The following HMGA2 variants were observed in gnomAD, a reference collection of about 807,000 sequenced individuals.
The protein encoded by HMGA2 is high mobility group AT-hook 2.
HMGA2 carries 8 observed loss-of-function variants against 19.1 expected under a neutral mutation model. The observed-to-expected ratio is 0.42, with a 90% CI of 0.25 to 0.76. The LOEUF is 0.76. HMGA2 is among the 30% of genes least tolerant of loss of function. The pLI is 0.28. For synonymous variants in HMGA2, 60 were observed against 48.8 expected, an observed-to-expected ratio of 1.23 and a Z score of -0.96; for missense variants, 109 against 136.3, an observed-to-expected ratio of 0.80 and a Z score of 1.00.
At position 65,856,240 on chromosome 12, in the gene HMGA2, G is replaced by A. The variant is rs1871736820; in HGVS notation, c.249+17671G>A. The A allele has an allele frequency of 2.0e-5, 3 of 152,328 alleles. No individual in the cohort carries two copies. In the South Asian group the frequency reaches 6.2e-4, roughly 32 times the overall value. The allele number at this position is 152,328 out of a possible 1,614,324, so 9.4% of individuals were successfully genotyped here. ...CCTGCTTTCTGTCCCTGAGGTCCAA[G>A]CAATGCCAGAACAGTGAATTTGAAA... On this transcript the variant is annotated intron_variant, in intron 3 of 4. Coordinates refer to ENST00000403681, the MANE Select transcript of HMGA2 (RefSeq NM_003483.6).
intron 3 of HMGA2, among the ~76,000 whole-genome samples, chr12:65,870,678 G>A (rs770042822): frequency 1.5e-4 from 23 of 152,242 alleles, no homozygotes; most frequent in Non-Finnish European, 2.6e-4. Context: ...TCAGTGAGCC[G>A]AGATCGTGCC....
intron 3 of HMGA2, chr12:65,855,977 C>T (rs1339729380): frequency 6.6e-6 from 1 of 151,040 alleles, no homozygotes; most frequent in Non-Finnish European, 1.5e-5. Context: ...TTGGTGGTAA[C>T]TATTATCTTA....
At chr12:65,874,381 A>G (rs1872867399) in intron 3 of HMGA2, among the ~76,000 whole-genome samples, 1 of 152,146 alleles carries the variant, frequency 6.6e-6, no homozygotes, top group African/African-American at 2.4e-5. Context: ...ATATATATAA[A>G]AACCTTTAAT....
At chr12:65,838,272 G>A (rs1050349967) in intron 2 of HMGA2, among the ~76,000 whole-genome samples, 1 of 151,922 alleles carries the variant, frequency 6.6e-6, no homozygotes, top group African/African-American at 2.4e-5. Context: ...ATCACTACAG[G>A]GGGTGTCTTT....
chr12:65,915,582 A>C, intron 3 of HMGA2: 43 of 1,057,584 alleles, frequency 4.1e-5, no homozygotes, highest in South Asian at 1.1e-4. Context: ...TTCCTTTCTC[A>C]TTCCATTGGT....
intron 3 of HMGA2, among the ~76,000 whole-genome samples, chr12:65,911,544 T>A (rs1328820028): frequency 6.6e-6 from 1 of 152,102 alleles, no homozygotes; most frequent in Non-Finnish European, 1.5e-5. Context: ...AAGATTAAGA[T>A]CCAGGAAGCA....
At chr12:65,853,559 G>C (rs941109744) in intron 3 of HMGA2, among the ~76,000 whole-genome samples, 37 of 152,182 alleles carry the variant, frequency 2.4e-4, no homozygotes, top group African/African-American at 8.2e-4. Context: ...GGGATTTGTA[G>C]ATGCTGTTTT....
intron 3 of HMGA2, among the ~76,000 whole-genome samples, chr12:65,870,270 C>T (rs780635968): frequency 7.2e-5 from 11 of 152,176 alleles, no homozygotes; most frequent in Non-Finnish European, 1.5e-4. Context: ...ATTATTTAAC[C>T]TTGTACGAGC....
At chr12:65,881,741 A>G (rs774043372) in intron 3 of HMGA2, 9 of 703,008 alleles carry the variant, frequency 1.3e-5, no homozygotes, top group South Asian at 1.2e-4. Flanking sequence ...ATTCCCTCCC[A>G]GTGGTTGCTA....
In HMGA2 at chr12:65,842,651, T is replaced by G. The variant is rs181152057; in HGVS notation, c.249+4082T>G. On this transcript the variant is annotated intron_variant, in intron 3 of 4. Transcript: ENST00000403681. ...CCAATAGCAGAGATTTGGTGTCATG[T>G]GGTGTTCATCAGTTTGAAAAGAAGT... 4.6e-3 allele frequency: 7,032 copies of G among 1,534,684 alleles called. 290 individuals are homozygous for G. In the African/African-American group the frequency reaches 0.086, roughly 19 times the overall value.
intron 3 of HMGA2, among the ~76,000 whole-genome samples, chr12:65,945,576 T>G (rs1876236210): frequency 6.6e-6 from 1 of 152,026 alleles, no homozygotes; most frequent in Non-Finnish European, 1.5e-5. Flanking sequence ...TTAAATAACT[T>G]TGGACAAAGG....
At chr12:65,878,507 T>G (rs1873176921) in intron 3 of HMGA2, among the ~76,000 whole-genome samples, 1 of 152,266 alleles carries the variant, frequency 6.6e-6, no homozygotes, top group African/African-American at 2.4e-5. Context: ...GAAGTGATAT[T>G]TTGAATAACA....
intron 3 of HMGA2, among the ~76,000 whole-genome samples, chr12:65,867,177 T>C (rs900440601): frequency 6.6e-6 from 1 of 152,234 alleles, no homozygotes; most frequent in African/African-American, 2.4e-5. Flanking sequence ...TTTTGTTAAC[T>C]GGTATCCCTG....
chr12:65,927,977 A>G (rs529100102), intron 3 of HMGA2, among the ~76,000 whole-genome samples: 1 of 148,986 alleles, frequency 6.7e-6, no homozygotes, highest in South Asian at 2.1e-4. Context: ...GTATGTATGT[A>G]TATATGTGTA....
intron 3 of HMGA2, among the ~76,000 whole-genome samples, chr12:65,939,652 G>A (rs539003306): frequency 3.0e-4 from 46 of 152,144 alleles, no homozygotes; most frequent in Non-Finnish European, 6.0e-4. Context: ...CACCACGCCC[G>A]GCCACATACA....
At chr12:65,945,943 G>A (rs1876248721) in intron 3 of HMGA2, among the ~76,000 whole-genome samples, 1 of 152,128 alleles carries the variant, frequency 6.6e-6, no homozygotes, top group Non-Finnish European at 1.5e-5. Flanking sequence ...AACCTCACTA[G>A]TTCAATGAGC....
At chr12:65,944,629 C>G (rs1876198448) in intron 3 of HMGA2, among the ~76,000 whole-genome samples, 2 of 148,224 alleles carry the variant, frequency 1.3e-5, no homozygotes. Context: ...CTAATACAGC[C>G]TAATGACAAG....
intron 3 of HMGA2, among the ~76,000 whole-genome samples, chr12:65,869,120 G>A: frequency 6.6e-6 from 1 of 152,160 alleles, no homozygotes; most frequent in South Asian, 2.1e-4. Flanking sequence ...TCTAGGAACT[G>A]TTTTCTAAGG....
chr12:65,848,700 C>CA (rs1189687060), intron 3 of HMGA2, among the ~76,000 whole-genome samples: 2 of 151,664 alleles, frequency 1.3e-5, no homozygotes, highest in African/African-American at 4.8e-5. Context: ...ACTAAAAATA[C>CA]AAAAAATTAG....
Sources: gnomAD v4.1 joint callset for allele counts (sites outside exome capture counted in the v4.1 genomes callset) on GRCh38, gnomAD v4.1.1 for gene constraint, MANE v1.5 for transcripts, NCBI Gene and HGNC (gene_info 2026-07-23, HGNC 2026-07-21) for gene names.